The following LILRB1 variants were observed in gnomAD, a reference collection of about 807,000 sequenced individuals.
LILRB1 encodes leukocyte immunoglobulin-like receptor subfamily B member 1.
LILRB1 carries 59 observed loss-of-function variants against 74.6 expected under a neutral mutation model. That is an observed-to-expected ratio of 0.79 (90% CI 0.64 to 0.98). The LOEUF (loss-of-function observed/expected upper bound fraction) is 0.98, where lower values mean the gene tolerates loss of function less well. Ranked by LOEUF, LILRB1 falls within the 50% of genes least tolerant of loss-of-function variation. The pLI is 0.00. For synonymous variants in LILRB1, 328 were observed against 333.9 expected, an observed-to-expected ratio of 0.98 and a Z score of 0.19; for missense variants, 804 against 822.6, an observed-to-expected ratio of 0.98 and a Z score of 0.28.
Position 54,631,719 on chromosome 19 carries a change from G to A in LILRB1, c.290G>A (p.Arg97His), listed in dbSNP as rs377161343. 17 of 1,614,150 alleles carry A rather than the reference G, an allele frequency of 1.1e-5. No homozygotes were observed. The highest frequency in any genetic ancestry group is 6.7e-5 in the African/African-American group (5 of 74,964). ...SITWEHTGRYRCYYGSDTAGR... is the reference protein window; with the variant it reads ...SITWEHTGRYHCYYGSDTAGR... ...ACCTGGGAACACACAGGGCGGTATCGCTGTTACTATGGTAGCGACACTGCA... is the reference window on the plus strand; with the variant it reads ...ACCTGGGAACACACAGGGCGGTATCACTGTTACTATGGTAGCGACACTGCA... The change falls in exon 4 of 15, where the codon CGC becomes CAC. Residue 97 changes from arginine (R) to histidine (H), a missense_variant. Transcript: ENST00000324602.
At position 54,632,208 on chromosome 19, in the gene LILRB1, C is replaced by T; in HGVS notation, c.632C>T (p.Pro211Leu). Residue 211 changes from proline (P) to leucine (L), a missense_variant, in exon 5 of 15, where the codon CCC becomes CTC. Transcript: ENST00000324602. ...DSNSPYEWSL[P>L]SDLLELLVLG... is the part of the protein sequence containing the mutation. ...AACTCTCCCTATGAGTGGTCTCTACCCAGTGATCTCCTGGAGCTCCTGGTC... is the reference window on the plus strand; with the variant it reads ...AACTCTCCCTATGAGTGGTCTCTACTCAGTGATCTCCTGGAGCTCCTGGTC... 1.9e-6 allele frequency: 3 copies of T among 1,613,752 alleles called. No homozygotes were observed. In the South Asian group the frequency reaches 3.3e-5, roughly 18 times the overall value.
Position 54,636,854 on chromosome 19 carries a change from C to G in LILRB1, c.1935C>G (p.Ile645Met). 6.2e-7 allele frequency: 1 copy of G among 1,613,584 alleles called. No homozygotes were observed. The highest frequency in any genetic ancestry group is 8.5e-7 in the Non-Finnish European group (1 of 1,179,574). The change falls in exon 15 of 15, where the codon ATC becomes ATG. Residue 645 changes from isoleucine (I) to methionine (M), a missense_variant. Physicochemically the swap from Ile to Met is conservative, Grantham distance 10 (BLOSUM62 1). Transcript: ENST00000324602. ...GGCCCTCTCCAGCTGTGCCCAGCATCTACGCCACTCTGGCCATCCACTAGC... is the reference window on the plus strand; with the variant it reads ...GGCCCTCTCCAGCTGTGCCCAGCATGTACGCCACTCTGGCCATCCACTAGC... Reference protein sequence around the residue: ...QEGPSPAVPSIYATLAIH With the variant: ...QEGPSPAVPSMYATLAIH
In LILRB1 at chr19:54,631,035, C is replaced by A. The variant is rs369676760; in HGVS notation, c.-39C>A. 16 of 1,614,128 alleles carry A rather than the reference C, an allele frequency of 9.9e-6. No homozygotes were observed. The African/African-American group carries it at 2.1e-4, about 22-fold the overall frequency. On this transcript the variant is annotated 5_prime_UTR_variant, in exon 2 of 15. Coordinates refer to ENST00000324602, the MANE Select transcript of LILRB1 (RefSeq NM_001081637.3). ...CTCTCTATCCTGCCAGCACCGAGGGCTCATCCATCCACAGAGCAGGGCAGT... is the reference window on the plus strand; with the variant it reads ...CTCTCTATCCTGCCAGCACCGAGGGATCATCCATCCACAGAGCAGGGCAGT...
rs201771338 is a variant in LILRB1 at position 54,633,321 on chromosome 19, G to C, written c.1261+3G>C. 8.1e-6 allele frequency: 13 copies of C among 1,612,956 alleles called. No homozygotes were observed. Among genetic ancestry groups the C allele is most frequent in the Non-Finnish European group, 1.1e-5 (13 of 1,179,354 alleles). On this transcript the variant is annotated splice_donor_region_variant and intron_variant, in intron 7 of 14. Coordinates refer to ENST00000324602, the MANE Select transcript of LILRB1 (RefSeq NM_001081637.3). ...CCCCCTGGAGCTCGTGGTCTCAGGT[G>C]GGGGCCTTGACCCTGTCCTCTCTGA...
In LILRB1 at chr19:54,637,118, A is replaced by G; in HGVS notation, c.*240A>G. On this transcript the variant is annotated 3_prime_UTR_variant, in exon 15 of 15. Transcript: ENST00000324602. Reference sequence around the variant, plus strand: ...GAAAACTAAGTCAGAAAGTGCATTAAACTGAATCACAATGTAAATATTACA... The same window carrying G: ...GAAAACTAAGTCAGAAAGTGCATTAGACTGAATCACAATGTAAATATTACA... 3 of 542,340 alleles carry G rather than the reference A, an allele frequency of 5.5e-6. No homozygotes were observed. Among genetic ancestry groups the G allele is most frequent in the Non-Finnish European group, 9.8e-6 (3 of 307,622 alleles). The allele number at this position is 542,340 out of a possible 1,614,324, so 33.6% of individuals were successfully genotyped here. A position where few individuals can be genotyped will look rare whatever the true frequency, so the allele number is the denominator to read the frequency against.
intron 12 of LILRB1, 78 bp downstream of exon 12, chr19:54,635,374 C>T: frequency 6.3e-7 from 1 of 1,581,910 alleles, no homozygotes; most frequent in Non-Finnish European, 8.7e-7. Context: ...GAAAGGGGCG[C>T]TGGCTGGAAA....
Position 54,633,114 on chromosome 19 carries a change from C to G in LILRB1, c.1057C>G (p.Gln353Glu), listed in dbSNP as rs2064053620. 5 of 1,614,268 alleles carry G rather than the reference C, an allele frequency of 3.1e-6. No homozygotes were observed. Among genetic ancestry groups the G allele is most frequent in the Non-Finnish European group, 4.2e-6 (5 of 1,180,046 alleles). The change falls in exon 7 of 15, where the codon CAA (glutamine) becomes GAA (glutamate). Residue 353 changes from glutamine to glutamate, a missense_variant. Coordinates refer to ENST00000324602, the MANE Select transcript of LILRB1 (RefSeq NM_001081637.3). ...TLLCQSQGWMQTFLLTKEGAA... is the reference protein window; with the variant it reads ...TLLCQSQGWMETFLLTKEGAA... ...GCTGTGTCAGTCACAGGGATGGATG[C>G]AAACTTTCCTTCTGACCAAGGAGGG...
chr19:54,635,069 T>C, intron 10 of LILRB1, 35 bp from the exon 11 acceptor site: 1 of 1,389,550 alleles, frequency 7.2e-7, no homozygotes, highest in South Asian at 1.4e-5. Context: ...GGCTCCAATG[T>C]TCCCAGGGCT....
upstream of LILRB1, among the ~76,000 whole-genome samples, chr19:54,629,500 C>A (rs959317427): frequency 6.6e-6 from 1 of 152,216 alleles, no homozygotes; most frequent in Non-Finnish European, 1.5e-5. Context: ...GTGCAGAAGT[C>A]TCCCTAATAA....
In LILRB1 at chr19:54,633,205, C is replaced by T. The variant is rs1349039558; in HGVS notation, c.1148C>T (p.Pro383Leu). ...TCTCAAAAATACCAGGCTGAATTCC[C>T]CATGGGTCCTGTGACCTCAGCCCAT... ...YQSQKYQAEF[P>L]MGPVTSAHAG... The change falls in exon 7 of 15, where the codon CCC becomes CTC. Residue 383 changes from proline to leucine, a missense_variant. Coordinates refer to ENST00000324602, the MANE Select transcript of LILRB1 (RefSeq NM_001081637.3). The T allele has an allele frequency of 6.2e-7, 1 of 1,613,976 alleles. No individual in the cohort carries two copies. The highest frequency in any genetic ancestry group is 8.5e-7 in the Non-Finnish European group (1 of 1,179,940).
At chr19:54,631,250 T>G (rs1203021822) in intron 2 of LILRB1, 21 bp from the exon 3 acceptor site, 2 of 1,611,000 alleles carry the variant, frequency 1.2e-6, no homozygotes, top group South Asian at 2.2e-5. Context: ...GGCAAATCCC[T>G]CACCGGGAAC....
intron 8 of LILRB1, 95 bp downstream of exon 8, chr19:54,633,783 G>T: frequency 6.7e-7 from 1 of 1,493,642 alleles, no homozygotes; most frequent in South Asian, 1.3e-5. Context: ...AAAGACTCGA[G>T]CTTCCCTCCA....
rs756518809 is a variant in LILRB1, at chr19:54,633,225, G to A, written c.1168G>A (p.Ala390Thr). The stretch of plus-strand genomic sequence containing the variant: ...ATTCCCCATGGGTCCTGTGACCTCA[G>A]CCCATGCGGGGACCTACAGGTGCTA... ...AEFPMGPVTSAHAGTYRCYGS... is the reference protein window; with the variant it reads ...AEFPMGPVTSTHAGTYRCYGS... Residue 390 changes from alanine to threonine, a missense_variant, in exon 7 of 15, where the codon GCC (alanine) becomes ACC (threonine). By Grantham distance (58) the Ala-to-Thr change is moderately conservative. Transcript: ENST00000324602. 4.3e-5 allele frequency: 70 copies of A among 1,614,076 alleles called. No individual in the cohort carries two copies. The Admixed American group carries it at 1.1e-3, about 26-fold the overall frequency.
At chr19:54,624,083 C>T (rs2063519210) in intron 1 of LILRB1, among the ~76,000 whole-genome samples, 2 of 152,128 alleles carry the variant, frequency 1.3e-5, no homozygotes, top group Admixed American at 1.3e-4. Context: ...AGGGCTGGAC[C>T]GTGGAGTGTC....
chr19:54,633,621 CT>C lies in LILRB1; in HGVS notation c.1262-16del. On this transcript the variant is annotated splice_polypyrimidine_tract_variant and intron_variant, in intron 7 of 14. Coordinates refer to ENST00000324602, the MANE Select transcript of LILRB1 (RefSeq NM_001081637.3). ...GAAAGCCCCAGCTCCTCAGCCTCCT[CT>C]CATTCTTTTACCCAGGACCGTCTGG... is the stretch of plus-strand genomic sequence containing the variant. The C allele has an allele frequency of 6.2e-7, 1 of 1,611,328 alleles. No individual in the cohort carries two copies. The highest frequency in any genetic ancestry group is 1.3e-5 in the African/African-American group (1 of 74,680).
chr19:54,634,305 C>G, intron 9 of LILRB1: 1 of 1,539,822 alleles, frequency 6.5e-7, no homozygotes, highest in South Asian at 1.2e-5. Context: ...AGACGGTGAC[C>G]TGGGGCAGGG....
chr19:54,627,967 A>G (rs2063642818), upstream of LILRB1, among the ~76,000 whole-genome samples: 1 of 152,172 alleles, frequency 6.6e-6, no homozygotes, highest in Non-Finnish European at 1.5e-5. Context: ...GCAAGGGTAC[A>G]CTCACCAGCA....
rs139491578 is a variant in LILRB1 at position 54,634,205 on chromosome 19, T to C, written c.1363+184T>C. ...TGGGAAAGTTCCTTTCAGCTCTGACTCCCAGCTGTGACCTCCTGGGAGAGG... is the reference window on the plus strand; with the variant it reads ...TGGGAAAGTTCCTTTCAGCTCTGACCCCCAGCTGTGACCTCCTGGGAGAGG... On this transcript the variant is annotated intron_variant, in intron 9 of 14. Transcript: ENST00000324602. The C allele has an allele frequency of 8.2e-3, 12,044 of 1,462,772 alleles. 797 individuals carry two copies. In the African/African-American group the frequency reaches 0.15, roughly 18 times the overall value. 90.6% of individuals were successfully genotyped at this position (1,462,772 alleles called of 1,614,324 possible).
intron 9 of LILRB1, chr19:54,634,265 C>T (rs1015408976): frequency 1.4e-5 from 22 of 1,521,102 alleles, no homozygotes; most frequent in Middle Eastern, 4.7e-4. Flanking sequence ...CCCGATTCCG[C>T]GGGGGCCTGT....
Sources: gnomAD v4.1 joint callset for allele counts (sites outside exome capture counted in the v4.1 genomes callset) on GRCh38, gnomAD v4.1.1 for gene constraint, MANE v1.5 for transcripts, NCBI Gene and HGNC (gene_info 2026-07-23, HGNC 2026-07-21) for gene names.